TNIP3: variants seen among roughly 807,000 people sequenced by gnomAD.
The protein encoded by TNIP3 is TNFAIP3-interacting protein 3.
TNIP3 carries 34 observed loss-of-function variants against 54.1 expected under a neutral mutation model. The ratio of observed to expected loss-of-function variants is 0.63; its 90% CI spans 0.48 to 0.84. The LOEUF (loss-of-function observed/expected upper bound fraction) is 0.84, where lower values mean the gene tolerates loss of function less well. TNIP3 is among the 40% of genes least tolerant of loss of function. The pLI is 0.00. For synonymous variants in TNIP3, 134 were observed against 136.8 expected (o/e 0.98, Z 0.14); for missense variants, 366 against 387.6 (o/e 0.94, Z 0.47).
chr4:121,223,430 C>A (rs531815725), intron 1 of TNIP3, among the ~76,000 whole-genome samples: 59 of 152,330 alleles, frequency 3.9e-4, no homozygotes, highest in South Asian at 3.7e-3. Context: ...ATGCTGGATT[C>A]GTTCTCATTA....
chr4:121,222,804 G>GTTTTTT lies in TNIP3; in HGVS notation c.3+4575_3+4580dup, dbSNP rs138758827. The stretch of plus-strand genomic sequence containing the variant: ...GTGGAGCTGAGGGTGTTTTTTGTGC[G>GTTTTTT]TTTTTTTTTTTTTTTTTTTGAGACG... On this transcript the variant is annotated intron_variant, in intron 1 of 12. Coordinates refer to the TNIP3 transcript ENST00000509841. Among the ~76,000 whole-genome samples, 482 of 105,752 alleles carry GTTTTTT rather than the reference G, an allele frequency of 4.6e-3. 39 individuals are homozygous for GTTTTTT. The highest frequency in any genetic ancestry group is 0.017 in the African/African-American group (452 of 26,448). The allele number at this position is 105,752 out of a possible 152,430, so 69.4% of individuals were successfully genotyped here. A position where few individuals can be genotyped will look rare whatever the true frequency, so the allele number is the denominator to read the frequency against.
At chr4:121,137,955 A>G in intron 10 of TNIP3, 1 of 456,234 alleles carries the variant, frequency 2.2e-6, no homozygotes, top group South Asian at 1.5e-5. Flanking sequence ...CAGTTTATAC[A>G]GCCCGCTTCT....
rs114950519 is a variant in TNIP3, at chr4:121,177,608, T to C, written c.189+5068A>G. Among the ~76,000 whole-genome samples the C allele has an allele frequency of 5.6e-3, 846 of 152,342 alleles. 12 individuals carry two copies. Among genetic ancestry groups the C allele is most frequent in the African/African-American group, 0.019 (808 of 41,592 alleles). On this transcript the variant is annotated intron_variant, in intron 3 of 12. Coordinates refer to the TNIP3 transcript ENST00000507879. ...CATAAAGAAACCAATTTCCTGCTCC[T>C]GGAAAGGGAATCTACCTTATTGTTC...
chr4:121,151,925 A>C (rs1444199015), intron 5 of TNIP3, among the ~76,000 whole-genome samples: 1 of 152,176 alleles, frequency 6.6e-6, no homozygotes, highest in Non-Finnish European at 1.5e-5. Flanking sequence ...TGTTAGACAA[A>C]TCAATTTTGC....
intron 1 of TNIP3, among the ~76,000 whole-genome samples, chr4:121,224,367 AATAAAAAG>A (rs1364766295): frequency 6.9e-4 from 69 of 99,818 alleles, no homozygotes; most frequent in East Asian, 5.1e-3. Flanking sequence ...TGTCTCAAAA[AATAAAAAG>A]AAAAAAGAAA....
chr4:121,166,760 C>T (rs1730790307), upstream of TNIP3, among the ~76,000 whole-genome samples: 1 of 152,052 alleles, frequency 6.6e-6, no homozygotes, highest in Non-Finnish European at 1.5e-5. Flanking sequence ...AGAAACATGC[C>T]TTTTTCCTTT....
intron 2 of TNIP3, among the ~76,000 whole-genome samples, chr4:121,199,127 G>A (rs779952224): frequency 2.6e-5 from 4 of 152,088 alleles, no homozygotes; most frequent in Non-Finnish European, 5.9e-5. Flanking sequence ...CACTGAGCAA[G>A]GAGAGAGAGT....
At chr4:121,196,969 G>A (rs184481919) in intron 2 of TNIP3, among the ~76,000 whole-genome samples, 3 of 151,254 alleles carry the variant, frequency 2.0e-5, no homozygotes, top group East Asian at 3.9e-4. Flanking sequence ...AAGAACCATG[G>A]GTAGAATAAG....
At chr4:121,157,276 C>T in intron 3 of TNIP3, 33 bp from the exon 4 acceptor site, 1 of 1,613,762 alleles carries the variant, frequency 6.2e-7, no homozygotes, top group Non-Finnish European at 8.5e-7. Context: ...GCTGCAGATA[C>T]CTTCTCTGAA....
intron 7 of TNIP3, among the ~76,000 whole-genome samples, chr4:121,143,116 G>GT (rs1379309433): frequency 6.6e-6 from 1 of 152,208 alleles, no homozygotes; most frequent in Admixed American, 6.5e-5. Flanking sequence ...AACGTTAGAA[G>GT]TTATATATGC....
intron 3 of TNIP3, among the ~76,000 whole-genome samples, chr4:121,179,081 A>T (rs1724534048): frequency 6.6e-6 from 1 of 152,246 alleles, no homozygotes; most frequent in South Asian, 2.1e-4. Flanking sequence ...AAGGCAGTTC[A>T]TCAAATGGGC....
chr4:121,173,201 A>G lies in TNIP3; in HGVS notation c.190-9055T>C, dbSNP rs551864293. Among the ~76,000 whole-genome samples, 372 of 152,308 alleles carry G rather than the reference A, an allele frequency of 2.4e-3. 1 individual carries two copies. Among genetic ancestry groups the G allele is most frequent in the Non-Finnish European group, 4.4e-3 (302 of 68,036 alleles). On this transcript the variant is annotated intron_variant, in intron 3 of 12. Transcript: ENST00000507879. ...GGAGACATCATTTACCAATGATGGA[A>G]AAGCATCGCAGGAGCCTAAGTCATT... is the stretch of plus-strand genomic sequence containing the variant.
At chr4:121,201,039 GA>G (rs1210727779) in intron 2 of TNIP3, among the ~76,000 whole-genome samples, 1 of 152,146 alleles carries the variant, frequency 6.6e-6, no homozygotes, top group African/African-American at 2.4e-5. Context: ...AGTAGGAGTT[GA>G]AGGTCAAGGG....
At chr4:121,177,120 C>T (rs1397640) in intron 3 of TNIP3, among the ~76,000 whole-genome samples, 69,661 of 152,058 alleles carry the variant, frequency 0.46, 18,122 homozygotes, top group East Asian at 0.74. Flanking sequence ...CCAAGAAATA[C>T]ATTTCAAGCA....
chr4:121,182,965 A>C (rs556106550), intron 2 of TNIP3, among the ~76,000 whole-genome samples: 1 of 152,368 alleles, frequency 6.6e-6, no homozygotes, highest in East Asian at 1.9e-4. Flanking sequence ...CCATGAGAGC[A>C]CTTTGAAAGA....
At chr4:121,185,702 T>C (rs1258492792) in intron 2 of TNIP3, among the ~76,000 whole-genome samples, 1 of 152,170 alleles carries the variant, frequency 6.6e-6, no homozygotes, top group African/African-American at 2.4e-5. Context: ...CTCAAACTCA[T>C]AGGACTGATA....
chr4:121,197,355 C>T lies in TNIP3; in HGVS notation c.69-14559G>A, dbSNP rs144750053. On this transcript the variant is annotated intron_variant, in intron 2 of 12. Transcript: ENST00000507879. ...CCAGCCTGGCCAACATGGTGAAACA[C>T]CTTCTCTGCTAAAAATACAAAAATT... is the stretch of plus-strand genomic sequence containing the variant. Among the ~76,000 whole-genome samples, 569 of 151,992 alleles carry T rather than the reference C, an allele frequency of 3.7e-3. 3 individuals carry two copies. The Middle Eastern group carries it at 0.038, about 10-fold the overall frequency.
At chr4:121,164,577 A>C (rs1730654639), upstream of TNIP3, among the ~76,000 whole-genome samples, 1 of 152,212 alleles carries the variant, frequency 6.6e-6, no homozygotes, top group South Asian at 2.1e-4. Context: ...TTCCCAGAGC[A>C]ATTAGGTAAC....
chr4:121,171,914 G>A (rs1723982944), intron 3 of TNIP3, among the ~76,000 whole-genome samples: 1 of 152,054 alleles, frequency 6.6e-6, no homozygotes, highest in African/African-American at 2.4e-5. Flanking sequence ...TGTATTTTTA[G>A]TAGAGATGGG....
Sources: allele counts gnomAD v4.1 joint callset (sites outside exome capture counted in the v4.1 genomes callset), GRCh38; gene constraint gnomAD v4.1.1; transcripts MANE v1.5; gene names NCBI Gene and HGNC (gene_info 2026-07-23, HGNC 2026-07-21).